NCKAP5: variants seen among roughly 807,000 people sequenced by gnomAD.
NCKAP5 encodes NCK associated protein 5.
NCKAP5 carries 92 observed loss-of-function variants against 167.0 expected under a neutral mutation model. The ratio of observed to expected loss-of-function variants is 0.55; its 90% confidence interval spans 0.47 to 0.66. NCKAP5 has a LOEUF of 0.66. Ranked by LOEUF, NCKAP5 falls within the 30% of genes least tolerant of loss-of-function variation. NCKAP5 has a pLI of 0.00. For missense variants in NCKAP5, 2,378 were observed against 2,315.0 expected (o/e 1.03, Z -0.56); for synonymous variants, 891 against 877.4 (o/e 1.02, Z -0.27).
chr2:133,530,258 TAA>T, intron 2 of NCKAP5, among the ~76,000 whole-genome samples: 1 of 148,612 alleles, frequency 6.7e-6, no homozygotes, highest in East Asian at 2.0e-4. Context: ...GACCCTCAAG[TAA>T]AAAAAAAAAT....
At chr2:133,525,117 A>T (rs548925531) in intron 2 of NCKAP5, among the ~76,000 whole-genome samples, 1 of 152,312 alleles carries the variant, frequency 6.6e-6, no homozygotes, top group South Asian at 2.1e-4. Flanking sequence ...TTAAAATCCT[A>T]CCAGCCCCCT....
chr2:133,545,739 CAAG>C (rs1044132708), intron 2 of NCKAP5, among the ~76,000 whole-genome samples: 10 of 152,084 alleles, frequency 6.6e-5, no homozygotes, highest in Admixed American at 4.6e-4. Flanking sequence ...TCGTACCTTA[CAAG>C]AAGATAGCAT....
chr2:133,048,466 T>C (rs535617407), intron 6 of NCKAP5, among the ~76,000 whole-genome samples: 74 of 152,352 alleles, frequency 4.9e-4, no homozygotes, highest in African/African-American at 1.7e-3. Flanking sequence ...TGATTGAATA[T>C]ATTTTAGCTG....
intron 3 of NCKAP5, among the ~76,000 whole-genome samples, chr2:133,486,602 A>G (rs1163699668): frequency 6.6e-6 from 1 of 152,236 alleles, no homozygotes; most frequent in Non-Finnish European, 1.5e-5. Context: ...CATTCAACAC[A>G]TGTGAATCAC....
intron 2 of NCKAP5, among the ~76,000 whole-genome samples, chr2:133,537,368 G>C (rs1257372874): frequency 6.6e-6 from 1 of 152,090 alleles, no homozygotes; most frequent in Non-Finnish European, 1.5e-5. Flanking sequence ...AGATTGCATT[G>C]AGTTTGTAGA....
intron 3 of NCKAP5, among the ~76,000 whole-genome samples, chr2:133,488,522 C>T (rs945262383): frequency 1.1e-4 from 16 of 152,132 alleles, no homozygotes; most frequent in Admixed American, 1.3e-4. Flanking sequence ...TCCATCCAGT[C>T]TAGGCATATG....
chr2:133,296,988 AT>A (rs1304373676), intron 4 of NCKAP5, among the ~76,000 whole-genome samples: 44 of 152,302 alleles, frequency 2.9e-4, no homozygotes, highest in African/African-American at 9.6e-4. Flanking sequence ...TAGGAAAGAC[AT>A]TTTCAGCACT....
At chr2:132,834,638 C>CCCA (rs1441998071) in intron 11 of NCKAP5, among the ~76,000 whole-genome samples, 1 of 152,134 alleles carries the variant, frequency 6.6e-6, no homozygotes, top group Non-Finnish European at 1.5e-5. Flanking sequence ...AGCCACCGCA[C>CCCA]CCAGCCAACT....
At chr2:133,622,121 G>A in the NCKAP5 span, among the ~76,000 whole-genome samples, 1 of 152,118 alleles carries the variant, frequency 6.6e-6, no homozygotes, top group Admixed American at 6.6e-5. Context: ...AATTGGCACA[G>A]AAGGGACATA....
At chr2:132,773,105 G>A (rs1055915282) in intron 16 of NCKAP5, among the ~76,000 whole-genome samples, 5 of 152,210 alleles carry the variant, frequency 3.3e-5, no homozygotes, top group African/African-American at 1.2e-4. Flanking sequence ...TCACATTCAT[G>A]GCTATATTTA....
At chr2:132,932,094 C>G (rs1696424293) in intron 8 of NCKAP5, among the ~76,000 whole-genome samples, 1 of 152,178 alleles carries the variant, frequency 6.6e-6, no homozygotes, top group African/African-American at 2.4e-5. Flanking sequence ...TCACCTATTA[C>G]AATTGTATGC....
intron 16 of NCKAP5, among the ~76,000 whole-genome samples, chr2:132,736,821 A>G (rs1691569135): frequency 6.6e-6 from 1 of 152,092 alleles, no homozygotes; most frequent in Non-Finnish European, 1.5e-5. Context: ...GAAAAACAAA[A>G]AAAACCCCAC....
intron 19 of NCKAP5, among the ~76,000 whole-genome samples, chr2:132,687,001 A>G (rs1031795092): frequency 7.9e-5 from 12 of 152,228 alleles, no homozygotes; most frequent in African/African-American, 4.8e-5. Flanking sequence ...CCATTTAGCA[A>G]TGGAAAGACA....
At chr2:132,889,950 G>T (rs1218946259) in intron 8 of NCKAP5, among the ~76,000 whole-genome samples, 1 of 152,016 alleles carries the variant, frequency 6.6e-6, no homozygotes, top group Admixed American at 6.6e-5. Context: ...TCCTCTGAAG[G>T]CAAAAAGAGA....
chr2:133,182,927 A>ATCAC (rs202006350), intron 5 of NCKAP5, among the ~76,000 whole-genome samples: 1,840 of 152,298 alleles, frequency 0.012, 42 homozygotes, highest in African/African-American at 0.042. Flanking sequence ...AACAGGAGCT[A>ATCAC]TCACTACAGA....
intron 5 of NCKAP5, among the ~76,000 whole-genome samples, chr2:133,130,756 A>T (rs183938617): frequency 1.2e-3 from 190 of 152,358 alleles, no homozygotes; most frequent in Non-Finnish European, 2.3e-3. Flanking sequence ...GCAGAAACTC[A>T]TTCCTGGAAC....
chr2:133,151,239 C>T (rs1290352976), intron 5 of NCKAP5, among the ~76,000 whole-genome samples: 1 of 151,970 alleles, frequency 6.6e-6, no homozygotes, highest in African/African-American at 2.4e-5. Context: ...GTTGTGATGA[C>T]TTTTTAGATA....
At chr2:133,389,400 T>C (rs1048216500) in intron 3 of NCKAP5, among the ~76,000 whole-genome samples, 58 of 152,316 alleles carry the variant, frequency 3.8e-4, no homozygotes, top group African/African-American at 1.4e-3. Context: ...CACCTCATAA[T>C]TTGAGGCAGA....
chr2:133,156,791 C>A (rs1466065705), intron 5 of NCKAP5, among the ~76,000 whole-genome samples: 1 of 152,172 alleles, frequency 6.6e-6, no homozygotes, highest in Non-Finnish European at 1.5e-5. Flanking sequence ...TATCTTAAAT[C>A]TCTGATCATG....
Sources: gnomAD v4.1 joint callset for allele counts (sites outside exome capture counted in the v4.1 genomes callset) on GRCh38, gnomAD v4.1.1 for gene constraint, MANE v1.5 for transcripts, NCBI Gene and HGNC (gene_info 2026-07-23, HGNC 2026-07-21) for gene names.